Variants in MDN1 observed in about 807,000 individuals in gnomAD.
The protein encoded by MDN1 is midasin AAA ATPase 1, also known as midasin.
MDN1 carries 266 observed loss-of-function variants against 669.2 expected under a neutral mutation model. The ratio of observed to expected loss-of-function variants is 0.40; its 90% CI spans 0.36 to 0.44. MDN1 has a LOEUF of 0.44. Among genes scored for constraint, MDN1 ranks in the 20% least tolerant of loss-of-function variants. The pLI is 1.00. For synonymous variants in MDN1, 2,385 were observed against 2,457.1 expected (o/e 0.97, Z 0.87); for missense variants, 5,940 against 6,754.0 (o/e 0.88, Z 4.22).
intron 85 of MDN1, 114 bp downstream of exon 85, chr6:89,664,373 G>C: frequency 7.4e-7 from 1 of 1,358,674 alleles, no homozygotes; most frequent in South Asian, 1.3e-5. Context: ...CTTAAGCACA[G>C]TAACCAACTT....
intron 63 of MDN1, 88 bp from the exon 64 acceptor site, chr6:89,690,922 TG>T: frequency 2.8e-6 from 4 of 1,453,370 alleles, no homozygotes; most frequent in Non-Finnish European, 3.7e-6. Flanking sequence ...CTCATGAAAA[TG>T]AAAGTATCAT....
Position 89,769,494 on chromosome 6 carries a change from G to A in MDN1, c.2144+2067C>T, listed in dbSNP as rs191770601. Among the ~76,000 whole-genome samples the A allele has an allele frequency of 9.2e-5, 14 of 152,262 alleles. No homozygotes were observed. In the East Asian group the frequency reaches 9.7e-4, roughly 10 times the overall value. ...TTGAGGCCAGGAGTTCAAAACCAGC[G>A]TAGGCAACAGAGCTAGATCCTGTCC... On this transcript the variant is annotated intron_variant, in intron 15 of 101. Transcript: ENST00000369393.
rs968672577 is a variant in MDN1 at position 89,642,841 on chromosome 6, TA to T, written c.*1163del. ...ATATAAGCTGCATAGCTTTTTAGAA[TA>T]AAAAATGATATAACTTCAGGTACAT... On this transcript the variant is annotated 3_prime_UTR_variant, in exon 102 of 102. Coordinates refer to ENST00000369393, the MANE Select transcript of MDN1 (RefSeq NM_014611.3). The T allele has an allele frequency of 1.3e-5, 2 of 152,216 alleles. No homozygotes were observed. Among genetic ancestry groups the T allele is most frequent in the African/African-American group, 4.8e-5 (2 of 41,458 alleles). The allele number at this position is 152,216 out of a possible 1,614,324, so 9.4% of individuals were successfully genotyped here. A position where few individuals can be genotyped will look rare whatever the true frequency, so the allele number is the denominator to read the frequency against.
chr6:89,661,552 G>T lies in MDN1; in HGVS notation c.14592C>A (p.Asp4864Glu). 6.2e-7 allele frequency: 1 copy of T among 1,614,086 alleles called. No homozygotes were observed. The highest frequency in any genetic ancestry group is 8.5e-7 in the Non-Finnish European group (1 of 1,180,016). Residue 4864 changes from aspartate (D) to glutamate (E), a missense_variant, in exon 88 of 102, where the codon GAC becomes GAA. By Grantham distance (45) the Asp-to-Glu change is conservative. Transcript: ENST00000369393. Reference protein sequence around the residue: ...DERDYDENEVDPYHGNQEKVP... With the variant: ...DERDYDENEVEPYHGNQEKVP... ...CCTTTTCCTGATTGCCATGGTAAGG[G>T]TCCACCTCATTTTCATCATAGTCCC...
chr6:89,806,605 C>CT (rs1177911921), intron 1 of MDN1, among the ~76,000 whole-genome samples: 1 of 152,036 alleles, frequency 6.6e-6, no homozygotes, highest in African/African-American at 2.4e-5. Flanking sequence ...GTAATCCCAG[C>CT]TACTTGGGAG....
chr6:89,726,362 C>G (rs1360083864), intron 37 of MDN1, among the ~76,000 whole-genome samples: 1 of 150,882 alleles, frequency 6.6e-6, no homozygotes, highest in African/African-American at 2.4e-5. Context: ...GTGGCTGAGG[C>G]AGGAGATTCA....
At chr6:89,703,472 C>T (rs1385851941) in intron 53 of MDN1, among the ~76,000 whole-genome samples, 1 of 151,830 alleles carries the variant, frequency 6.6e-6, no homozygotes, top group Non-Finnish European at 1.5e-5. Context: ...CAATGCAAAT[C>T]AGGTAATATG....
chr6:89,727,370 T>C (rs908100208), intron 37 of MDN1, among the ~76,000 whole-genome samples: 2 of 152,250 alleles, frequency 1.3e-5, no homozygotes, highest in African/African-American at 4.8e-5. Flanking sequence ...GTATTTATCA[T>C]GTCTCATACT....
rs1226174685 is a variant in MDN1, at chr6:89,676,174, T to C, written c.12573A>G (p.Gly4191=). The change falls in exon 77 of 102, where the codon GGA becomes GGG. Residue 4191 remains glycine (G), a synonymous_variant. Coordinates refer to ENST00000369393, the MANE Select transcript of MDN1 (RefSeq NM_014611.3). ...LLTEISSSWD[G]CQKYFYRSLA... is the part of the protein sequence containing the mutation. ...GAGAGCGATAAAAATACTTCTGGCA[T>C]CCATCCCATGAAGACGAGATTTCTG... The C allele has an allele frequency of 2.5e-6, 4 of 1,614,084 alleles. No individual in the cohort carries two copies. The African/African-American group carries it at 5.3e-5, about 22-fold the overall frequency.
At position 89,667,886 on chromosome 6, in the gene MDN1, T is replaced by C. The variant is rs1441308679; in HGVS notation, c.14094+128A>G. On this transcript the variant is annotated intron_variant, in intron 84 of 101. Coordinates refer to ENST00000369393, the MANE Select transcript of MDN1 (RefSeq NM_014611.3). ...TACACCCACTGCCGAAGCACCAATA[T>C]ATCTAGGGCTCTGTAGATCACAGAT... is the stretch of plus-strand genomic sequence containing the variant. 8.2e-6 allele frequency: 9 copies of C among 1,093,676 alleles called. No individual in the cohort carries two copies. The East Asian group carries it at 1.8e-4, about 22-fold the overall frequency. The allele number at this position is 1,093,676 out of a possible 1,614,324, so 67.7% of individuals were successfully genotyped here.
intron 17 of MDN1, among the ~76,000 whole-genome samples, chr6:89,759,498 T>G (rs1817423811): frequency 6.6e-6 from 1 of 152,106 alleles, no homozygotes; most frequent in Non-Finnish European, 1.5e-5. Context: ...GTGTGGTGGC[T>G]CATGTCTGTA....
At chr6:89,658,508 A>G (rs1486625387) in intron 89 of MDN1, 102 bp downstream of exon 89, 2 of 1,523,292 alleles carry the variant, frequency 1.3e-6, no homozygotes, top group Non-Finnish European at 8.9e-7. Flanking sequence ...GAAGTGCCAC[A>G]TGTTGATGGA....
chr6:89,797,704 G>T, intron 2 of MDN1: 1 of 454,226 alleles, frequency 2.2e-6, no homozygotes, highest in Non-Finnish European at 4.5e-6. Context: ...TTCAGTGGTG[G>T]CTATTACAGA....
chr6:89,754,164 G>A lies in MDN1; in HGVS notation c.2883C>T (p.His961=), dbSNP rs1400875715. 6.2e-7 allele frequency: 1 copy of A among 1,614,166 alleles called. No homozygotes were observed. Among genetic ancestry groups the A allele is most frequent in the Non-Finnish European group, 8.5e-7 (1 of 1,180,002 alleles). The change falls in exon 21 of 102, where the codon CAC becomes CAT. Residue 961 remains histidine, a synonymous_variant. Coordinates refer to ENST00000369393, the MANE Select transcript of MDN1 (RefSeq NM_014611.3). ...KLVDGTGHRP[H]YSLRTLCRAL... ...CCCGGCACAGAGTCCGAAGGCTGTA[G>A]TGAGGTCTATGGCCAGTGCCATCCA... is the stretch of plus-strand genomic sequence containing the variant.
chr6:89,733,374 C>G (rs915495311), intron 33 of MDN1, among the ~76,000 whole-genome samples: 1 of 151,676 alleles, frequency 6.6e-6, no homozygotes, highest in African/African-American at 2.4e-5. Flanking sequence ...AAAGAAAATA[C>G]TTAAGTAGTA....
intron 22 of MDN1, among the ~76,000 whole-genome samples, chr6:89,752,974 T>C (rs1817032295): frequency 6.6e-6 from 1 of 151,990 alleles, no homozygotes; most frequent in Non-Finnish European, 1.5e-5. Flanking sequence ...ATTACAAATA[T>C]TAGCTGGGCA....
intron 15 of MDN1, among the ~76,000 whole-genome samples, chr6:89,764,379 T>G (rs1034955162): frequency 5.3e-5 from 8 of 151,754 alleles, no homozygotes; most frequent in African/African-American, 1.9e-4. Flanking sequence ...GCTAAACAGG[T>G]GGATTGCTTG....
At chr6:89,654,852 A>G (rs1433755061) in intron 92 of MDN1, among the ~76,000 whole-genome samples, 1 of 152,162 alleles carries the variant, frequency 6.6e-6, no homozygotes, top group Non-Finnish European at 1.5e-5. Flanking sequence ...CCACAAATAC[A>G]TATCATTATT....
intron 40 of MDN1, among the ~76,000 whole-genome samples, chr6:89,722,360 C>T (rs1171249619): frequency 1.3e-5 from 2 of 152,180 alleles, no homozygotes; most frequent in African/African-American, 2.4e-5. Flanking sequence ...TGCTTCTCAC[C>T]TTGGTGCCTG....
Sources: gnomAD v4.1 joint callset for allele counts (sites outside exome capture counted in the v4.1 genomes callset) on GRCh38, gnomAD v4.1.1 for gene constraint, MANE v1.5 for transcripts, NCBI Gene and HGNC (gene_info 2026-07-23, HGNC 2026-07-21) for gene names.